Variants in ARHGAP11B observed in about 807,000 individuals in gnomAD.
ARHGAP11B encodes inactive Rho GTPase-activating protein 11B.
In ARHGAP11B, 14 loss-of-function variants were observed where a neutral mutation model predicts 27.6. That is an observed-to-expected ratio of 0.51 (90% CI 0.34 to 0.79). ARHGAP11B has a LOEUF of 0.79. Ranked by LOEUF, ARHGAP11B falls within the 30% of genes least tolerant of loss-of-function variation. ARHGAP11B has a pLI of 0.02. For synonymous variants in ARHGAP11B, 82 were observed against 114.1 expected (o/e 0.72, Z 1.80); for missense variants, 245 against 320.1 (o/e 0.77, Z 1.79).
chr15:30,627,268 C>T (rs895890729), intron 1 of ARHGAP11B, among the ~76,000 whole-genome samples: 20 of 151,888 alleles, frequency 1.3e-4, no homozygotes, highest in East Asian at 1.2e-3. Flanking sequence ...GGATGTCTGT[C>T]TTTTACCCAC....
chr15:30,631,354 T>TC (rs994797756), intron 2 of ARHGAP11B, among the ~76,000 whole-genome samples: 5 of 145,032 alleles, frequency 3.4e-5, no homozygotes, highest in African/African-American at 1.4e-4. Flanking sequence ...TAATTTTGCC[T>TC]TTTTTTTGTT....
intron 6 of ARHGAP11B, among the ~76,000 whole-genome samples, chr15:30,638,522 A>G (rs8030188): frequency 0.012 from 1,867 of 151,842 alleles, 48 homozygotes; most frequent in African/African-American, 0.043. Context: ...TTCTTTCTGT[A>G]TTATGTCTTT....
chr15:30,637,045 T>G (rs1203739359), intron 6 of ARHGAP11B, among the ~76,000 whole-genome samples: 1 of 152,044 alleles, frequency 6.6e-6, no homozygotes, highest in Non-Finnish European at 1.5e-5. Context: ...GAGATATTTC[T>G]CAGATGCAGA....
At chr15:30,640,813 GTGA>G (rs1183682030) in intron 7 of ARHGAP11B, among the ~76,000 whole-genome samples, 1 of 151,888 alleles carries the variant, frequency 6.6e-6, no homozygotes, top group African/African-American at 2.4e-5. Flanking sequence ...TCATTGAAAT[GTGA>G]TGATAGTAAC....
At chr15:30,637,333 A>G (rs1315537902) in intron 6 of ARHGAP11B, among the ~76,000 whole-genome samples, 1 of 150,610 alleles carries the variant, frequency 6.6e-6, no homozygotes, top group Non-Finnish European at 1.5e-5. Context: ...TCCCTAGATA[A>G]CTCAGGCTTT....
At chr15:30,638,789 A>G in exon 7 of ARHGAP11B, 2 of 1,481,774 alleles carry the variant, frequency 1.3e-6, no homozygotes, top group Non-Finnish European at 1.8e-6. Flanking sequence ...CTAACAGAAC[A>G]CCTTCTATTA....
At chr15:30,646,828 G>C (rs760015448) in intron 9 of ARHGAP11B, among the ~76,000 whole-genome samples, 1 of 151,698 alleles carries the variant, frequency 6.6e-6, no homozygotes, top group Non-Finnish European at 1.5e-5. Context: ...AATTAGCCGG[G>C]CGTGGTGGTG....
chr15:30,634,371 A>C, exon 4 of ARHGAP11B: 1 of 1,613,404 alleles, frequency 6.2e-7, no homozygotes, highest in Non-Finnish European at 8.5e-7. Flanking sequence ...GGCTGACCAC[A>C]CAGTTCATGT....
intron 8 of ARHGAP11B, chr15:30,644,846 A>G (rs1045648438): frequency 1.0e-5 from 8 of 792,770 alleles, no homozygotes; most frequent in African/African-American, 1.8e-5. Context: ...GGTCAGTGTT[A>G]TGTGAATTGT....
At chr15:30,627,425 A>G (rs1311852180) in intron 1 of ARHGAP11B, among the ~76,000 whole-genome samples, 2 of 152,088 alleles carry the variant, frequency 1.3e-5, no homozygotes, top group African/African-American at 2.4e-5. Flanking sequence ...TAGAGGGACA[A>G]GGGAGACCAG....
rs140434540 is a variant in ARHGAP11B, at chr15:30,646,139, C to G, written c.*168C>G. 2.3e-3 allele frequency: 2,434 copies of G among 1,040,808 alleles called. 56 individuals carry two copies. The African/African-American group carries it at 0.038, about 16-fold the overall frequency. 64.5% of individuals were successfully genotyped at this position (1,040,808 alleles called of 1,614,324 possible). Reference sequence around the variant, plus strand: ...TGGATAAGTTATAATTTCTGAAAGACCAAGATTGGAATGACTTTTTGTAAC... The same window carrying G: ...TGGATAAGTTATAATTTCTGAAAGAGCAAGATTGGAATGACTTTTTGTAAC... On this transcript the variant is annotated 3_prime_UTR_variant, in exon 9 of 11. Coordinates refer to ENST00000428041, the Ensembl canonical transcript of ARHGAP11B.
chr15:30,633,897 T>C (rs949282175), intron 3 of ARHGAP11B, among the ~76,000 whole-genome samples: 6 of 151,900 alleles, frequency 3.9e-5, no homozygotes, highest in Admixed American at 6.6e-5. Context: ...TGGTGGCACA[T>C]GCTTGTAGTC....
chr15:30,641,157 G>A (rs551087696), intron 7 of ARHGAP11B, among the ~76,000 whole-genome samples: 23 of 151,788 alleles, frequency 1.5e-4, no homozygotes, highest in Admixed American at 4.6e-4. Flanking sequence ...AATAATAATC[G>A]TATTATTTTT....
At chr15:30,633,402 T>C in intron 2 of ARHGAP11B, 88 bp from the exon 3 acceptor site, 1 of 1,202,172 alleles carries the variant, frequency 8.3e-7, no homozygotes, top group South Asian at 1.5e-5. Flanking sequence ...CTCTGAAAGG[T>C]CTGTAGTGCT....
chr15:30,628,057 T>G (rs2060221052), intron 1 of ARHGAP11B, among the ~76,000 whole-genome samples: 1 of 151,078 alleles, frequency 6.6e-6, no homozygotes, highest in Admixed American at 6.6e-5. Flanking sequence ...GGACTTTTTT[T>G]CACCCCTTTT....
intron 7 of ARHGAP11B, 87 bp downstream of exon 7, chr15:30,638,897 G>A (rs2060298133): frequency 2.7e-6 from 2 of 749,566 alleles, no homozygotes; most frequent in Admixed American, 4.1e-5. Context: ...AATAATAATT[G>A]CCTAACTTAG....
chr15:30,632,891 G>T (rs1334444491), intron 2 of ARHGAP11B, among the ~76,000 whole-genome samples: 1 of 151,990 alleles, frequency 6.6e-6, no homozygotes, highest in East Asian at 1.9e-4. Flanking sequence ...CTTGGACGGA[G>T]CCCTGGGTTG....
intron 7 of ARHGAP11B, among the ~76,000 whole-genome samples, chr15:30,639,201 C>T (rs956563698): frequency 2.0e-5 from 3 of 152,000 alleles, no homozygotes; most frequent in Non-Finnish European, 4.4e-5. Flanking sequence ...AATTATTCAG[C>T]CAGTAAGAGT....
At chr15:30,629,340 G>A (rs1333450988) in intron 1 of ARHGAP11B, among the ~76,000 whole-genome samples, 1 of 150,458 alleles carries the variant, frequency 6.6e-6, no homozygotes, top group African/African-American at 2.5e-5. Context: ...TCAGGAGATC[G>A]AGACCATCCT....
Sources: allele counts gnomAD v4.1 joint callset (sites outside exome capture counted in the v4.1 genomes callset), GRCh38; gene constraint gnomAD v4.1.1; transcripts MANE v1.5; gene names NCBI Gene and HGNC (gene_info 2026-07-23, HGNC 2026-07-21).